The following SIPA1L2 variants were observed in gnomAD, a reference collection of about 807,000 sequenced individuals.
The protein encoded by SIPA1L2 is signal induced proliferation associated 1 like 2.
In SIPA1L2, 56 loss-of-function variants were observed where a neutral mutation model predicts 163.9. The ratio of observed to expected loss-of-function variants is 0.34; its 90% CI spans 0.28 to 0.43. The LOEUF (loss-of-function observed/expected upper bound fraction) is 0.43. Ranked by LOEUF, SIPA1L2 falls within the 20% of genes least tolerant of loss-of-function variation. SIPA1L2 has a pLI of 1.00. For missense variants in SIPA1L2, 1,974 were observed against 2,193.5 expected, an observed-to-expected ratio of 0.90 and a Z score of 2.00; for synonymous variants, 877 against 865.7, an observed-to-expected ratio of 1.01 and a Z score of -0.23.
At chr1:232,553,391 T>C (rs1298121804) in intron 2 of SIPA1L2, among the ~76,000 whole-genome samples, 1 of 152,020 alleles carries the variant, frequency 6.6e-6, no homozygotes, top group African/African-American at 2.4e-5. Flanking sequence ...CGGGGGGGCG[T>C]AGTGGGCCAA....
chr1:232,421,889 A>G (rs539276988), intron 18 of SIPA1L2, among the ~76,000 whole-genome samples: 3 of 152,356 alleles, frequency 2.0e-5, no homozygotes, highest in East Asian at 1.9e-4. Flanking sequence ...AAATCTAAGA[A>G]TTCTCATCAG....
At chr1:232,441,740 A>T (rs1438198100) in intron 13 of SIPA1L2, 28 bp downstream of exon 13, 1 of 1,578,104 alleles carries the variant, frequency 6.3e-7, no homozygotes, top group Admixed American at 1.7e-5. Flanking sequence ...GGAGCAAGGG[A>T]GGTCAATTTC....
intron 10 of SIPA1L2, among the ~76,000 whole-genome samples, chr1:232,446,689 T>C (rs1329353351): frequency 1.3e-5 from 2 of 152,252 alleles, no homozygotes; most frequent in African/African-American, 4.8e-5. Flanking sequence ...TTTCTCTCTC[T>C]TTCTCTGTCT....
intron 1 of SIPA1L2, among the ~76,000 whole-genome samples, chr1:232,621,451 T>C (rs1322180608): frequency 1.3e-5 from 2 of 152,192 alleles, no homozygotes; most frequent in African/African-American, 2.4e-5. Flanking sequence ...AAGTGAGCTG[T>C]AGAATAAAGA....
intron 2 of SIPA1L2, among the ~76,000 whole-genome samples, chr1:232,554,543 T>G (rs12404065): frequency 0.056 from 8,454 of 152,212 alleles, 936 homozygotes; most frequent in East Asian, 0.5. Context: ...GGATACCATG[T>G]AGATTTCCCT....
At chr1:232,607,542 T>C (rs552173529) in intron 1 of SIPA1L2, among the ~76,000 whole-genome samples, 2 of 152,294 alleles carry the variant, frequency 1.3e-5, no homozygotes, top group African/African-American at 2.4e-5. Flanking sequence ...TTCTATGTTA[T>C]GAAAAGTTGC....
At position 232,445,796 on chromosome 1, in the gene SIPA1L2, C is replaced by A; in HGVS notation, c.3096-10G>T. 6.2e-7 allele frequency: 1 copy of A among 1,609,758 alleles called. No homozygotes were observed. On this transcript the variant is annotated splice_polypyrimidine_tract_variant and intron_variant, in intron 10 of 22. Transcript: ENST00000674635. Reference sequence around the variant, plus strand: ...GAGCTCTGAACACCCTCTGTTGGGCCAAGAAGAAATGGTGAGAAGGGAAGC... The same window carrying A: ...GAGCTCTGAACACCCTCTGTTGGGCAAAGAAGAAATGGTGAGAAGGGAAGC...
At chr1:232,571,317 T>C (rs564424534) in intron 2 of SIPA1L2, among the ~76,000 whole-genome samples, 4 of 152,258 alleles carry the variant, frequency 2.6e-5, no homozygotes, top group African/African-American at 9.6e-5. Context: ...TAAGTGAAAA[T>C]AAAGGCAATG....
intron 7 of SIPA1L2, among the ~76,000 whole-genome samples, chr1:232,478,900 C>T (rs776400653): frequency 6.6e-6 from 1 of 152,212 alleles, no homozygotes; most frequent in Non-Finnish European, 1.5e-5. Context: ...TCCCATAGAT[C>T]GTCTATCCCA....
chr1:232,521,867 C>T (rs1397703403), intron 2 of SIPA1L2, among the ~76,000 whole-genome samples: 1 of 152,156 alleles, frequency 6.6e-6, no homozygotes, highest in Non-Finnish European at 1.5e-5. Flanking sequence ...TATGCCATCT[C>T]TATGCTGATG....
At chr1:232,443,520 A>C (rs1663027659) in intron 12 of SIPA1L2, 82 bp downstream of exon 12, 2 of 1,085,538 alleles carry the variant, frequency 1.8e-6, no homozygotes, top group Non-Finnish European at 2.6e-6. Flanking sequence ...CCAGGTACAG[A>C]AGGCACACAG....
At chr1:232,449,265 T>A in intron 10 of SIPA1L2, among the ~76,000 whole-genome samples, 1 of 152,032 alleles carries the variant, frequency 6.6e-6, no homozygotes, top group Admixed American at 6.5e-5. Context: ...ACGCCTGTAA[T>A]CCCAGCACTT....
In SIPA1L2 at chr1:232,514,151, C is replaced by T; in HGVS notation, c.1189G>A (p.Glu397Lys). Residue 397 changes from glutamate to lysine, a missense_variant, in exon 3 of 23, where the codon GAG (glutamate) becomes AAG (lysine). By Grantham distance (56) the Glu-to-Lys change is moderately conservative. Transcript: ENST00000674635. Reference sequence around the variant, plus strand: ...AGGTCGTTACTTTTCCCATCACCCTCATCGGCATCCAGGTTCTCTTTGGAG... The same window carrying T: ...AGGTCGTTACTTTTCCCATCACCCTTATCGGCATCCAGGTTCTCTTTGGAG... ...LNSKENLDAD[E>K]GDGKSNDLVL... 6.2e-7 allele frequency: 1 copy of T among 1,614,244 alleles called. No homozygotes were observed. The highest frequency in any genetic ancestry group is 8.5e-7 in the Non-Finnish European group (1 of 1,180,044).
At chr1:232,401,002 A>G (rs777808224) in intron 22 of SIPA1L2, among the ~76,000 whole-genome samples, 2 of 151,936 alleles carry the variant, frequency 1.3e-5, no homozygotes, top group East Asian at 1.9e-4. Flanking sequence ...CTGTCCACCA[A>G]CACCTCCAAC....
chr1:232,432,093 G>T (rs536298974), intron 16 of SIPA1L2, among the ~76,000 whole-genome samples, 154 bp downstream of exon 16: 1 of 152,232 alleles, frequency 6.6e-6, no homozygotes, highest in East Asian at 1.9e-4. Flanking sequence ...ATTTTATAGG[G>T]AAATATAAAC....
At chr1:232,622,134 G>A (rs1004727585) in intron 1 of SIPA1L2, among the ~76,000 whole-genome samples, 4 of 152,180 alleles carry the variant, frequency 2.6e-5, no homozygotes, top group East Asian at 1.9e-4. Flanking sequence ...TATCATGTAT[G>A]CCTTGCTTAC....
At chr1:232,621,381 C>T (rs915724630) in intron 1 of SIPA1L2, among the ~76,000 whole-genome samples, 1 of 152,164 alleles carries the variant, frequency 6.6e-6, no homozygotes, top group Non-Finnish European at 1.5e-5. Flanking sequence ...CTCCCTTCTT[C>T]CTTTCTGTCT....
intron 3 of SIPA1L2, among the ~76,000 whole-genome samples, chr1:232,495,498 G>A (rs1022952014): frequency 6.6e-6 from 1 of 150,820 alleles, no homozygotes; most frequent in African/African-American, 2.4e-5. Flanking sequence ...CTGGGAGGTG[G>A]AGCTTGCATC....
chr1:232,420,448 C>T (rs765672730), intron 18 of SIPA1L2, among the ~76,000 whole-genome samples: 4 of 152,156 alleles, frequency 2.6e-5, no homozygotes, highest in Admixed American at 6.5e-5. Flanking sequence ...CGGTTTTATA[C>T]GAAAGGCATC....
Sources: gnomAD v4.1 joint callset for allele counts (sites outside exome capture counted in the v4.1 genomes callset) on GRCh38, gnomAD v4.1.1 for gene constraint, MANE v1.5 for transcripts, NCBI Gene and HGNC (gene_info 2026-07-23, HGNC 2026-07-21) for gene names.